The following TENM4 variants were observed in gnomAD, a reference collection of about 807,000 sequenced individuals.
TENM4 encodes teneurin-4.
A neutral mutation model predicts 243.3 loss-of-function variants in TENM4; 82 were observed. The observed-to-expected ratio is 0.34, with a 90% confidence interval of 0.28 to 0.40. The LOEUF (loss-of-function observed/expected upper bound fraction) is 0.40, where lower values mean the gene tolerates loss of function less well. TENM4 is among the 10% of genes least tolerant of loss of function. The pLI, the probability that TENM4 is intolerant of heterozygous loss-of-function variation, is 1.00. For missense variants in TENM4, 3,138 were observed against 3,673.3 expected (o/e 0.85, Z 3.77); for synonymous variants, 1,412 against 1,456.3 (o/e 0.97, Z 0.69).
Position 79,107,281 on chromosome 11 carries a change from C to CTAATCA in TENM4, c.-65-37278_-65-37273dup, listed in dbSNP as rs138987905. 3.0e-3 allele frequency among the ~76,000 whole-genome samples: 449 copies of CTAATCA among 151,610 alleles called. 1 individual carries two copies. The highest frequency in any genetic ancestry group is 8.7e-3 in the African/African-American group (360 of 41,248). ...CAAGACTGCACATTACTTGAGAATA[C>CTAATCA]TAATCATAATCATAATCATAATCAT... On this transcript the variant is annotated intron_variant, in intron 4 of 33. Transcript: ENST00000278550.
chr11:78,805,277 T>TCCCCACCCAACCCCCCCCCC lies in TENM4; in HGVS notation c.2179+14_2179+15insGGGGGGGGGGTTGGGTGGGG. ...CCCCTCCCTCTACCCATGCTTCTTC[T>TCCCCACCCAACCCCCCCCCC]CCCCCTGCATTTACCGATAGAACAG... On this transcript the variant is annotated intron_variant, in intron 15 of 33. Transcript: ENST00000278550. 1 of 1,402,550 alleles carries TCCCCACCCAACCCCCCCCCC rather than the reference T, an allele frequency of 7.1e-7. No individual in the cohort carries two copies. Among genetic ancestry groups the TCCCCACCCAACCCCCCCCCC allele is most frequent in the Non-Finnish European group, 9.7e-7 (1 of 1,033,116 alleles). The allele number at this position is 1,402,550 out of a possible 1,614,324, so 86.9% of individuals were successfully genotyped here. A position where few individuals can be genotyped will look rare whatever the true frequency, so the allele number is the denominator to read the frequency against.
chr11:79,145,086 TA>T (rs1464739700), intron 4 of TENM4, among the ~76,000 whole-genome samples: 2 of 135,834 alleles, frequency 1.5e-5, no homozygotes, highest in Admixed American at 7.2e-5. Flanking sequence ...AACTAAAAAT[TA>T]AAAAAAATTT....
intron 5 of TENM4, among the ~76,000 whole-genome samples, chr11:79,065,329 C>T (rs1361748763): frequency 6.6e-6 from 1 of 152,214 alleles, no homozygotes; most frequent in East Asian, 1.9e-4. Context: ...TGGGCCTGGT[C>T]ATACTGCACA....
At chr11:78,752,116 G>A (rs1856203019) in intron 19 of TENM4, among the ~76,000 whole-genome samples, 1 of 152,200 alleles carries the variant, frequency 6.6e-6, no homozygotes, top group African/African-American at 2.4e-5. Flanking sequence ...GTGGGTTTGA[G>A]GACAGCAGTG....
At position 78,776,644 on chromosome 11, in the gene TENM4, A is replaced by G. The variant is rs12287770; in HGVS notation, c.2392+1958T>C. Reference sequence around the variant, plus strand: ...TTTTTTTAGAATTAGTATCCATTATACCAAAATATCAGCCAGATGAGGGCT... The same window carrying G: ...TTTTTTTAGAATTAGTATCCATTATGCCAAAATATCAGCCAGATGAGGGCT... On this transcript the variant is annotated intron_variant, in intron 17 of 33. Coordinates refer to ENST00000278550, the MANE Select transcript of TENM4 (RefSeq NM_001098816.3). 7.6e-3 allele frequency among the ~76,000 whole-genome samples: 1,155 copies of G among 152,314 alleles called. 13 individuals carry two copies. The highest frequency in any genetic ancestry group is 0.026 in the African/African-American group (1,091 of 41,554).
chr11:79,414,340 A>G (rs184030358), intron 1 of TENM4, among the ~76,000 whole-genome samples: 356 of 152,326 alleles, frequency 2.3e-3, no homozygotes, highest in Non-Finnish European at 3.7e-3. Flanking sequence ...GTAGCTGGTG[A>G]TCTTGAGAAG....
At chr11:79,102,972 G>A (rs1337901202) in intron 4 of TENM4, among the ~76,000 whole-genome samples, 1 of 152,066 alleles carries the variant, frequency 6.6e-6, no homozygotes, top group African/African-American at 2.4e-5. Context: ...GTCACTTCTT[G>A]GTGTCGAGTC....
chr11:78,895,892 T>TG (rs1190312236), intron 7 of TENM4, among the ~76,000 whole-genome samples: 1 of 152,180 alleles, frequency 6.6e-6, no homozygotes, highest in Admixed American at 6.5e-5. Context: ...CCTGAGTACT[T>TG]GGAGAGGAAC....
chr11:79,065,850 G>T (rs1860232430), intron 5 of TENM4, among the ~76,000 whole-genome samples: 1 of 152,148 alleles, frequency 6.6e-6, no homozygotes, highest in South Asian at 2.1e-4. Flanking sequence ...TGACTTCATG[G>T]AAAACTAGCC....
intron 4 of TENM4, among the ~76,000 whole-genome samples, chr11:79,133,613 G>C (rs1862053076): frequency 6.6e-6 from 1 of 151,924 alleles, no homozygotes; most frequent in Admixed American, 6.6e-5. Flanking sequence ...TAAAATACTA[G>C]CTAACCAAAT....
At chr11:79,308,851 C>G (rs780213915) in intron 1 of TENM4, among the ~76,000 whole-genome samples, 1 of 152,302 alleles carries the variant, frequency 6.6e-6, no homozygotes, top group East Asian at 1.9e-4. Context: ...AATAACCACA[C>G]CCACTTTTGC....
At chr11:79,135,522 G>A (rs1315962667) in intron 4 of TENM4, among the ~76,000 whole-genome samples, 2 of 151,802 alleles carry the variant, frequency 1.3e-5, no homozygotes, top group African/African-American at 4.8e-5. Flanking sequence ...AGGAAAATAA[G>A]TCATTATACA....
At chr11:78,830,750 G>C (rs1006478642) in intron 12 of TENM4, among the ~76,000 whole-genome samples, 13 of 152,274 alleles carry the variant, frequency 8.5e-5, no homozygotes, top group African/African-American at 2.9e-4. Flanking sequence ...TTCACACTCA[G>C]CCGCCAGGAC....
At chr11:78,712,021 T>C (rs1278731480) in intron 26 of TENM4, among the ~76,000 whole-genome samples, 1 of 152,198 alleles carries the variant, frequency 6.6e-6, no homozygotes, top group African/African-American at 2.4e-5. Context: ...ACCCACCCGA[T>C]AGCATATGAA....
intron 3 of TENM4, among the ~76,000 whole-genome samples, chr11:79,186,750 C>T (rs925277135): frequency 1.1e-4 from 16 of 152,202 alleles, no homozygotes; most frequent in Admixed American, 1.0e-3. Flanking sequence ...TAGACCTATG[C>T]AAATAAATAC....
At chr11:79,073,888 C>T (rs879471327) in intron 4 of TENM4, among the ~76,000 whole-genome samples, 2 of 152,144 alleles carry the variant, frequency 1.3e-5, no homozygotes, top group African/African-American at 4.8e-5. Flanking sequence ...TAGAAAGCTA[C>T]GGGTAAGTGT....
At chr11:79,117,396 C>T (rs1479115125) in intron 4 of TENM4, among the ~76,000 whole-genome samples, 1 of 152,114 alleles carries the variant, frequency 6.6e-6, no homozygotes, top group East Asian at 1.9e-4. Context: ...TCAAACAATC[C>T]CAGTCTCTAG....
intron 3 of TENM4, among the ~76,000 whole-genome samples, chr11:79,161,030 G>A (rs980968822): frequency 2.0e-5 from 3 of 152,144 alleles, no homozygotes; most frequent in Non-Finnish European, 4.4e-5. Flanking sequence ...TTTTTAGTGA[G>A]CCATCTTTGT....
intron 1 of TENM4, among the ~76,000 whole-genome samples, chr11:79,319,831 C>T (rs1856858621): frequency 6.6e-6 from 1 of 152,138 alleles, no homozygotes; most frequent in Non-Finnish European, 1.5e-5. Flanking sequence ...CCATGCTAAG[C>T]CAGCAGCCCT....
Sources: gnomAD v4.1 joint callset for allele counts (sites outside exome capture counted in the v4.1 genomes callset) on GRCh38, gnomAD v4.1.1 for gene constraint, MANE v1.5 for transcripts, NCBI Gene and HGNC (gene_info 2026-07-23, HGNC 2026-07-21) for gene names.